Variants in PTPRD observed in about 807,000 individuals in gnomAD.
PTPRD encodes receptor-type tyrosine-protein phosphatase delta.
A neutral mutation model predicts 214.5 loss-of-function variants in PTPRD; 34 were observed. The ratio of observed to expected loss-of-function variants is 0.16; its 90% CI spans 0.12 to 0.21. The LOEUF (loss-of-function observed/expected upper bound fraction) is 0.21. PTPRD is among the 10% of genes least tolerant of loss of function. The pLI is 1.00. For synonymous variants in PTPRD, 1,128 were observed against 845.7 expected (o/e 1.33, Z -5.79); for missense variants, 2,545 against 2,398.7 (o/e 1.06, Z -1.27).
chr9:10,534,351 T>C (rs1457131301), intron 2 of PTPRD, among the ~76,000 whole-genome samples: 1 of 152,068 alleles, frequency 6.6e-6, no homozygotes, highest in Non-Finnish European at 1.5e-5. Flanking sequence ...GAAAACATAT[T>C]ACTTCACCCA....
At chr9:8,932,980 C>T (rs531455267) in intron 11 of PTPRD, among the ~76,000 whole-genome samples, 1 of 152,192 alleles carries the variant, frequency 6.6e-6, no homozygotes, top group South Asian at 2.1e-4. Flanking sequence ...GTGCTTGAAA[C>T]CCAGGGCCCT....
At chr9:8,358,828 A>G (rs1048620919) in intron 39 of PTPRD, among the ~76,000 whole-genome samples, 20 of 152,064 alleles carry the variant, frequency 1.3e-4, no homozygotes, top group African/African-American at 4.3e-4. Flanking sequence ...AAAATGTAAT[A>G]TAAAATTGAA....
intron 10 of PTPRD, among the ~76,000 whole-genome samples, chr9:9,159,924 G>A (rs1388709486): frequency 6.6e-6 from 1 of 152,156 alleles, no homozygotes; most frequent in Non-Finnish European, 1.5e-5. Context: ...ATTGATTTTT[G>A]ACAAAGGTGC....
At chr9:8,968,369 C>A (rs551318900) in intron 11 of PTPRD, among the ~76,000 whole-genome samples, 22 of 152,054 alleles carry the variant, frequency 1.4e-4, no homozygotes, top group African/African-American at 5.1e-4. Flanking sequence ...ACAGTCCCAC[C>A]AACAGTGTAA....
intron 11 of PTPRD, among the ~76,000 whole-genome samples, chr9:8,978,121 G>C (rs1008057648): frequency 2.0e-5 from 3 of 152,056 alleles, no homozygotes; most frequent in Non-Finnish European, 4.4e-5. Context: ...AAGCCAGAGT[G>C]AATTTGAATC....
intron 2 of PTPRD, among the ~76,000 whole-genome samples, chr9:10,358,359 A>G (rs2097315507): frequency 6.6e-6 from 1 of 152,024 alleles, no homozygotes; most frequent in South Asian, 2.1e-4. Flanking sequence ...TAGCAAATAA[A>G]TAATGTGTAA....
intron 11 of PTPRD, among the ~76,000 whole-genome samples, chr9:8,871,123 A>G (rs1324776946): frequency 1.3e-5 from 2 of 152,158 alleles, no homozygotes; most frequent in Non-Finnish European, 2.9e-5. Context: ...CCTTGCTTTC[A>G]ATTTCATTTG....
At chr9:10,500,660 T>C (rs2043383798) in intron 2 of PTPRD, among the ~76,000 whole-genome samples, 1 of 151,848 alleles carries the variant, frequency 6.6e-6, no homozygotes, top group African/African-American at 2.4e-5. Context: ...TTCTAGTTTT[T>C]GTACCCATTA....
intron 9 of PTPRD, among the ~76,000 whole-genome samples, chr9:9,328,083 C>A (rs1422507873): frequency 1.3e-5 from 2 of 151,998 alleles, no homozygotes; most frequent in Non-Finnish European, 2.9e-5. Context: ...ATTGATGATT[C>A]CATTTAAAAT....
At chr9:8,686,618 T>C (rs1412116032) in intron 12 of PTPRD, among the ~76,000 whole-genome samples, 1 of 152,176 alleles carries the variant, frequency 6.6e-6, no homozygotes, top group Admixed American at 6.5e-5. Flanking sequence ...CATGTTCACA[T>C]AGTTGCAACT....
intron 14 of PTPRD, among the ~76,000 whole-genome samples, chr9:8,594,508 C>T (rs185558448): frequency 3.9e-5 from 6 of 152,202 alleles, no homozygotes; most frequent in Admixed American, 3.3e-4. Context: ...TTGGCTGTGT[C>T]CCCATCCAAA....
intron 7 of PTPRD, among the ~76,000 whole-genome samples, chr9:9,681,672 A>G (rs1298354112): frequency 2.6e-5 from 4 of 151,746 alleles, no homozygotes; most frequent in African/African-American, 9.7e-5. Flanking sequence ...TCTCCTTGAG[A>G]GAAATTAATC....
intron 14 of PTPRD, among the ~76,000 whole-genome samples, chr9:8,544,321 A>T (rs1404016816): frequency 6.6e-6 from 1 of 151,206 alleles, no homozygotes; most frequent in East Asian, 2.0e-4. Flanking sequence ...ACCCTCAGTA[A>T]TCCGCCTGTA....
intron 39 of PTPRD, among the ~76,000 whole-genome samples, chr9:8,369,353 C>G (rs536657736): frequency 6.6e-6 from 1 of 152,088 alleles, no homozygotes; most frequent in African/African-American, 2.4e-5. Flanking sequence ...CATGGTTATG[C>G]TATGAATATG....
At chr9:9,002,573 C>T (rs1023537580) in intron 11 of PTPRD, among the ~76,000 whole-genome samples, 7 of 152,014 alleles carry the variant, frequency 4.6e-5, no homozygotes, top group African/African-American at 1.7e-4. Context: ...AAATAGAATT[C>T]TCCACACCAA....
intron 3 of PTPRD, among the ~76,000 whole-genome samples, chr9:10,336,411 T>A (rs1597399407): frequency 6.6e-6 from 1 of 151,210 alleles, no homozygotes; most frequent in Non-Finnish European, 1.5e-5. Context: ...TGGGTGGGAG[T>A]TTTTTGTGGG....
intron 11 of PTPRD, among the ~76,000 whole-genome samples, chr9:8,918,117 C>T (rs547390530): frequency 6.2e-4 from 94 of 152,264 alleles, no homozygotes; most frequent in Non-Finnish European, 1.2e-3. Flanking sequence ...CTCACCTGCT[C>T]GAGCAGCCAG....
chr9:10,176,771 T>C (rs2099251035), intron 3 of PTPRD, among the ~76,000 whole-genome samples: 1 of 151,974 alleles, frequency 6.6e-6, no homozygotes, highest in South Asian at 2.1e-4. Context: ...TGTTAAGTAC[T>C]ACATTCCAAA....
intron 11 of PTPRD, among the ~76,000 whole-genome samples, chr9:8,807,512 G>A (rs1194739226): frequency 6.6e-6 from 1 of 151,464 alleles, no homozygotes; most frequent in East Asian, 1.9e-4. Flanking sequence ...TACACATGAG[G>A]AGAGAATTAA....
Sources: gnomAD v4.1 joint callset for allele counts (sites outside exome capture counted in the v4.1 genomes callset) on GRCh38, gnomAD v4.1.1 for gene constraint, MANE v1.5 for transcripts, NCBI Gene and HGNC (gene_info 2026-07-23, HGNC 2026-07-21) for gene names.